Variants in EFCAB6 observed in about 807,000 individuals in gnomAD.
The protein encoded by EFCAB6 is EF-hand calcium binding domain 6.
A neutral mutation model predicts 169.8 loss-of-function variants in EFCAB6; 156 were observed. The observed-to-expected ratio is 0.92, with a 90% CI of 0.81 to 1.05. EFCAB6 has a LOEUF of 1.05. Ranked by LOEUF, EFCAB6 falls within the 50% of genes least tolerant of loss-of-function variation. EFCAB6 has a pLI of 0.00. For missense variants in EFCAB6, 1,800 were observed against 1,829.1 expected, an observed-to-expected ratio of 0.98 and a Z score of 0.29; for synonymous variants, 698 against 676.4, an observed-to-expected ratio of 1.03 and a Z score of -0.50.
chr22:43,782,344 C>CA lies in EFCAB6; in HGVS notation c.-7-20dup, dbSNP rs2061854039. On this transcript the variant is annotated intron_variant, in intron 2 of 31. Transcript: ENST00000262726. ...TAAATCCCTGTGATATAAAAGAAAA[C>CA]AGATTACGTTACCTTAAAGAGCATA... 1 of 1,607,378 alleles carries CA rather than the reference C, an allele frequency of 6.2e-7. No homozygotes were observed. The highest frequency in any genetic ancestry group is 1.3e-5 in the African/African-American group (1 of 74,552).
At chr22:43,577,464 T>A (rs2050335353) in intron 25 of EFCAB6, among the ~76,000 whole-genome samples, 1 of 152,176 alleles carries the variant, frequency 6.6e-6, no homozygotes, top group Non-Finnish European at 1.5e-5. Context: ...TAACATGAGG[T>A]AGCTGTGTAC....
At chr22:43,695,719 T>A (rs2058552380) in intron 10 of EFCAB6, among the ~76,000 whole-genome samples, 1 of 152,088 alleles carries the variant, frequency 6.6e-6, no homozygotes, top group Non-Finnish European at 1.5e-5. Flanking sequence ...AAGTAATTCA[T>A]TGGAGAAGGG....
At chr22:43,726,877 C>T (rs2059756637) in intron 8 of EFCAB6, among the ~76,000 whole-genome samples, 1 of 152,232 alleles carries the variant, frequency 6.6e-6, no homozygotes, top group South Asian at 2.1e-4. Flanking sequence ...GCTGCTAAAA[C>T]AAACAAAATA....
intron 4 of EFCAB6, among the ~76,000 whole-genome samples, chr22:43,767,249 A>G (rs1406823237): frequency 2.0e-5 from 3 of 152,192 alleles, no homozygotes; most frequent in Non-Finnish European, 4.4e-5. Flanking sequence ...ATTGCTGTTT[A>G]CTATTTAAAA....
At chr22:43,649,454 A>T (rs909305236) in intron 17 of EFCAB6, among the ~76,000 whole-genome samples, 1 of 152,254 alleles carries the variant, frequency 6.6e-6, no homozygotes, top group Non-Finnish European at 1.5e-5. Flanking sequence ...GAAATGTGAA[A>T]CATTACAGTA....
chr22:43,717,651 T>C (rs1290254726), intron 8 of EFCAB6, among the ~76,000 whole-genome samples: 2 of 152,186 alleles, frequency 1.3e-5, no homozygotes, highest in African/African-American at 4.8e-5. Context: ...TTTTTTCTAC[T>C]GGTCAAATAG....
At chr22:43,663,525 C>G (rs553290936) in intron 17 of EFCAB6, among the ~76,000 whole-genome samples, 1 of 152,344 alleles carries the variant, frequency 6.6e-6, no homozygotes, top group Non-Finnish European at 1.5e-5. Flanking sequence ...AATCACCCCA[C>G]AGTTCTTGAT....
At chr22:43,633,325 G>A (rs2055120801) in intron 18 of EFCAB6, among the ~76,000 whole-genome samples, 1 of 152,164 alleles carries the variant, frequency 6.6e-6, no homozygotes, top group African/African-American at 2.4e-5. Flanking sequence ...CAAGGTGGGC[G>A]GATCACAAGG....
chr22:43,785,211 C>T (rs888708995), intron 2 of EFCAB6, among the ~76,000 whole-genome samples: 1 of 152,058 alleles, frequency 6.6e-6, no homozygotes, highest in Non-Finnish European at 1.5e-5. Flanking sequence ...CACATCCAAC[C>T]AACAATAGTA....
At chr22:43,672,190 A>T in intron 14 of EFCAB6, 56 bp downstream of exon 14, 1 of 1,613,852 alleles carries the variant, frequency 6.2e-7, no homozygotes. Flanking sequence ...CTCTTGTAAC[A>T]GTAACCTCAA....
intron 17 of EFCAB6, among the ~76,000 whole-genome samples, chr22:43,650,357 C>T (rs75205863): frequency 0.022 from 3,387 of 152,330 alleles, 115 homozygotes; most frequent in African/African-American, 0.078. Context: ...TTCCCCTGCA[C>T]AAGCTCTCTC....
At chr22:43,661,332 G>A (rs1435968888) in intron 17 of EFCAB6, among the ~76,000 whole-genome samples, 1 of 152,140 alleles carries the variant, frequency 6.6e-6, no homozygotes, top group Non-Finnish European at 1.5e-5. Context: ...GAGCATGATC[G>A]CACCATTGCA....
chr22:43,789,847 T>TCA (rs34752280), intron 2 of EFCAB6, among the ~76,000 whole-genome samples: 54,567 of 143,184 alleles, frequency 0.38, 10,374 homozygotes, highest in Non-Finnish European at 0.43. Flanking sequence ...TGGCTAACCT[T>TCA]CACACACACA....
Position 43,615,939 on chromosome 22 carries a change from T to A in EFCAB6, c.2466-17A>T, listed in dbSNP as rs754946856. 6 of 1,596,672 alleles carry A rather than the reference T, an allele frequency of 3.8e-6. No individual in the cohort carries two copies. Among genetic ancestry groups the A allele is most frequent in the East Asian group, 2.2e-5 (1 of 44,550 alleles). ...TGTTTTGGTCTTAAAAGAAAAAAAA[T>A]AATAAATAACTGTGTTTAAATTTAA... On this transcript the variant is annotated splice_polypyrimidine_tract_variant and intron_variant, in intron 20 of 31. Coordinates refer to ENST00000262726, the MANE Select transcript of EFCAB6 (RefSeq NM_022785.4).
chr22:43,540,205 G>T lies in EFCAB6; in HGVS notation c.3801C>A (p.Val1267=). Residue 1267 remains valine (V), a synonymous_variant, in exon 28 of 32, where the codon GTC becomes GTA. Transcript: ENST00000262726. ...AGAGGGCAGATCTGGTGCCTTCCGA[G>T]ACGTCAGGGACACTGCTCCCTCTCT... is the stretch of plus-strand genomic sequence containing the variant. The part of the protein sequence containing the change: ...VAQRGSSVPD[V]SEGTRSALSL... The T allele has an allele frequency of 6.2e-7, 1 of 1,614,234 alleles. No homozygotes were observed. The highest frequency in any genetic ancestry group is 8.5e-7 in the Non-Finnish European group (1 of 1,180,052).
chr22:43,617,717 C>A (rs947716363), intron 20 of EFCAB6, among the ~76,000 whole-genome samples: 2 of 152,278 alleles, frequency 1.3e-5, no homozygotes, highest in African/African-American at 4.8e-5. Flanking sequence ...TGCTCTAGAA[C>A]CTGCAGACAC....
chr22:43,724,114 T>C (rs1241305844), intron 8 of EFCAB6, among the ~76,000 whole-genome samples: 1 of 152,192 alleles, frequency 6.6e-6, no homozygotes, highest in Non-Finnish European at 1.5e-5. Flanking sequence ...CAAATCTCAC[T>C]GCAAGTGGCC....
intron 12 of EFCAB6, among the ~76,000 whole-genome samples, chr22:43,682,505 AG>A (rs1210482475): frequency 6.6e-6 from 1 of 152,152 alleles, no homozygotes; most frequent in Admixed American, 6.5e-5. Flanking sequence ...TTAGAACCTG[AG>A]TGGGGGTGGG....
At chr22:43,653,244 T>C (rs74335060) in intron 17 of EFCAB6, among the ~76,000 whole-genome samples, 2,878 of 152,136 alleles carry the variant, frequency 0.019, 94 homozygotes, top group African/African-American at 0.066. Flanking sequence ...GCAGGATTCA[T>C]ATAAAGAAAG....
Sources: allele counts gnomAD v4.1 joint callset (sites outside exome capture counted in the v4.1 genomes callset), GRCh38; gene constraint gnomAD v4.1.1; transcripts MANE v1.5; gene names NCBI Gene and HGNC (gene_info 2026-07-23, HGNC 2026-07-21).